VWA2: variants seen among roughly 807,000 people sequenced by gnomAD.
VWA2 encodes von Willebrand factor A domain-containing protein 2.
VWA2 carries 73 observed loss-of-function variants against 70.4 expected under a neutral mutation model. The ratio of observed to expected loss-of-function variants is 1.04; its 90% CI spans 0.86 to 1.26. The LOEUF is 1.26. VWA2 is among the 50% of genes most tolerant of loss of function. The probability of loss-of-function intolerance (pLI) is 0.00; values close to 1 mark genes in which losing one functional copy is unlikely to be tolerated. For missense variants in VWA2, 1,011 were observed against 998.5 expected, an observed-to-expected ratio of 1.01 and a Z score of -0.17; for synonymous variants, 407 against 423.3, an observed-to-expected ratio of 0.96 and a Z score of 0.47.
At chr10:114,270,661 A>C (rs1316568986) in intron 5 of VWA2, among the ~76,000 whole-genome samples, 2 of 152,180 alleles carry the variant, frequency 1.3e-5, no homozygotes, top group African/African-American at 4.8e-5. Flanking sequence ...CTTTTTAAAC[A>C]CAAGAGCTCT....
At chr10:114,254,783 C>T in intron 3 of VWA2, 132 bp from the exon 4 acceptor site, 1 of 1,228,180 alleles carries the variant, frequency 8.1e-7, no homozygotes, top group Non-Finnish European at 1.2e-6. Flanking sequence ...AGGGCTGCTT[C>T]TGCAGTTCTC....
At chr10:114,285,788 A>G in intron 10 of VWA2, 151 bp from the exon 11 acceptor site, 1 of 818,436 alleles carries the variant, frequency 1.2e-6, no homozygotes, top group Non-Finnish European at 1.8e-6. Context: ...CTTGTCTCTA[A>G]CTCTGTGACG....
rs756196223 is a variant in VWA2 at position 114,285,936 on chromosome 10, C to T, written c.998-3C>T. The T allele has an allele frequency of 6.3e-7, 1 of 1,584,482 alleles. No homozygotes were observed. Among genetic ancestry groups the T allele is most frequent in the Non-Finnish European group, 8.6e-7 (1 of 1,161,384 alleles). ...ACAGTGGGTGTTGCTGTGATCCCCG[C>T]AGCCCTGAAGCTGAGCCTGGAATGC... On this transcript the variant is annotated splice_region_variant and splice_polypyrimidine_tract_variant and intron_variant, in intron 10 of 13. Coordinates refer to ENST00000392982, the MANE Select transcript of VWA2 (RefSeq NM_001272046.2).
rs78412490 is a variant in VWA2, at chr10:114,248,549, G to A, written c.-10-155G>A. Among the ~76,000 whole-genome samples the A allele has an allele frequency of 3.7e-3, 558 of 152,282 alleles. 7 individuals are homozygous for A. Among genetic ancestry groups the A allele is most frequent in the East Asian group, 0.027 (142 of 5,172 alleles). On this transcript the variant is annotated intron_variant, in intron 1 of 13. Coordinates refer to ENST00000392982, the MANE Select transcript of VWA2 (RefSeq NM_001272046.2). ...TTGGAGTAAAGTCTTCCATGACTTGGGAATTGGGGACTTTTCTAGTTATTG... is the reference window on the plus strand; with the variant it reads ...TTGGAGTAAAGTCTTCCATGACTTGAGAATTGGGGACTTTTCTAGTTATTG...
Position 114,275,265 on chromosome 10 carries a change from T to C in VWA2, c.566+2331T>C, listed in dbSNP as rs530913620. Among the ~76,000 whole-genome samples, 15 of 152,240 alleles carry C rather than the reference T, an allele frequency of 9.9e-5. No homozygotes were observed. In the South Asian group the frequency reaches 2.9e-3, roughly 29 times the overall value. On this transcript the variant is annotated intron_variant, in intron 6 of 13. Coordinates refer to ENST00000392982, the MANE Select transcript of VWA2 (RefSeq NM_001272046.2). ...CCATGTCCTGGAAATGGTGATGACA[T>C]CATTGTCATCAATCATTGTGATCAG...
At chr10:114,284,761 C>A in intron 9 of VWA2, 102 bp from the exon 10 acceptor site, 2 of 1,097,632 alleles carry the variant, frequency 1.8e-6, no homozygotes, top group Non-Finnish European at 2.6e-6. Flanking sequence ...AGGGGCTGGG[C>A]CACTGCTAGA....
chr10:114,286,078 G>C lies in VWA2; in HGVS notation c.1137G>C (p.Arg379=). The part of the protein sequence containing the change: ...FVRAVLSEDS[R]ARVGVATYSR... ...GGGCCGTGCTGAGCGAGGACTCTCG[G>C]GCCCGAGTGGGTGTGGCCACATACA... Residue 379 remains arginine, a synonymous_variant, in exon 11 of 14, where the codon CGG becomes CGC. Transcript: ENST00000392982. The C allele has an allele frequency of 6.2e-7, 1 of 1,614,140 alleles. No homozygotes were observed. The highest frequency in any genetic ancestry group is 8.5e-7 in the Non-Finnish European group (1 of 1,180,030).
intron 4 of VWA2, 113 bp downstream of exon 4, chr10:114,255,161 G>A: frequency 2.2e-6 from 3 of 1,355,168 alleles, no homozygotes; most frequent in South Asian, 2.7e-5. Flanking sequence ...GGAAGACCAA[G>A]GGGCTGAATC....
In VWA2 at chr10:114,286,523, G is replaced by A; in HGVS notation, c.1570+12G>A. 1 of 1,549,658 alleles carries A rather than the reference G, an allele frequency of 6.5e-7. No homozygotes were observed. Among genetic ancestry groups the A allele is most frequent in the Non-Finnish European group, 8.7e-7 (1 of 1,147,266 alleles). Reference sequence around the variant, plus strand: ...CCGGCAGCGGCCAGGTAAGGTCCCAGTGCCTGACCCAGGACCGCTGGTCAG... The same window carrying A: ...CCGGCAGCGGCCAGGTAAGGTCCCAATGCCTGACCCAGGACCGCTGGTCAG... On this transcript the variant is annotated intron_variant, in intron 11 of 13. Coordinates refer to ENST00000392982, the MANE Select transcript of VWA2 (RefSeq NM_001272046.2).
In VWA2 at chr10:114,246,517, A is replaced by C. The variant is rs2037074618; in HGVS notation, c.-10-2187A>C. On this transcript the variant is annotated intron_variant, in intron 1 of 13. Transcript: ENST00000392982. ...AGAAACTCCATCTCAAAAAAAAAAAAAAAAAAAACGAGTATCATGGGTTGA... is the reference window on the plus strand; with the variant it reads ...AGAAACTCCATCTCAAAAAAAAAAACAAAAAAAACGAGTATCATGGGTTGA... 8 of 792,668 alleles carry C rather than the reference A, an allele frequency of 1.0e-5. No individual in the cohort carries two copies. In the South Asian group the frequency reaches 1.1e-4, roughly 11 times the overall value. The allele number at this position is 792,668 out of a possible 1,614,324, so 49.1% of individuals were successfully genotyped here.
chr10:114,293,851 T>C lies in VWA2; in HGVS notation c.*2614T>C, dbSNP rs553218110. Among the ~76,000 whole-genome samples, 1 of 152,330 alleles carries C rather than the reference T, an allele frequency of 6.6e-6. No individual in the cohort carries two copies. Among genetic ancestry groups the C allele is most frequent in the East Asian group, 1.9e-4 (1 of 5,188 alleles). On this transcript the variant is annotated 3_prime_UTR_variant, in exon 14 of 14. Coordinates refer to ENST00000392982, the MANE Select transcript of VWA2 (RefSeq NM_001272046.2). ...GTATACCACTTCTTTTTCTTGTCATTTTGCATTGCCTGGGACCTCCAGAAT... is the reference window on the plus strand; with the variant it reads ...GTATACCACTTCTTTTTCTTGTCATCTTGCATTGCCTGGGACCTCCAGAAT...
intron 7 of VWA2, among the ~76,000 whole-genome samples, chr10:114,278,362 G>A (rs1364909646): frequency 6.6e-6 from 1 of 152,194 alleles, no homozygotes; most frequent in Non-Finnish European, 1.5e-5. Context: ...ACACAGAGGA[G>A]CACAAGGAGG....
intron 4 of VWA2, 29 bp from the exon 5 acceptor site, chr10:114,261,157 G>A: frequency 6.5e-7 from 1 of 1,546,566 alleles, no homozygotes; most frequent in South Asian, 1.1e-5. Context: ...CCAGTCTCGG[G>A]GCCCTGAGCC....
rs758462742 is a variant in VWA2, at chr10:114,254,897, C to T, written c.128-18C>T. On this transcript the variant is annotated intron_variant, in intron 3 of 13. Transcript: ENST00000392982. ...CGACTTGCTCCTGGTTGTCATCTGTCTGTCCCGCTCTCCCTAGTGATGTGG... is the reference window on the plus strand; with the variant it reads ...CGACTTGCTCCTGGTTGTCATCTGTTTGTCCCGCTCTCCCTAGTGATGTGG... 6.2e-6 allele frequency: 10 copies of T among 1,607,982 alleles called. No individual in the cohort carries two copies. In the East Asian group the frequency reaches 1.8e-4, roughly 29 times the overall value.
intron 3 of VWA2, among the ~76,000 whole-genome samples, chr10:114,254,314 C>T (rs368089796): frequency 2.4e-4 from 36 of 152,174 alleles, no homozygotes; most frequent in East Asian, 2.0e-3. Context: ...TCAAGCAATC[C>T]GCCCGCGTTG....
chr10:114,288,900 C>A lies in VWA2; in HGVS notation c.1571-38C>A. 3 of 1,567,850 alleles carry A rather than the reference C, an allele frequency of 1.9e-6. No homozygotes were observed. The South Asian group carries it at 3.6e-5, about 19-fold the overall frequency. ...GGTCCCGTCGAGGGGCTCTGACTGG[C>A]ACATCCACTGCTGAAGCCCCTCTGC... On this transcript the variant is annotated intron_variant, in intron 11 of 13. Coordinates refer to ENST00000392982, the MANE Select transcript of VWA2 (RefSeq NM_001272046.2).
chr10:114,263,646 CT>C (rs2037496038), intron 5 of VWA2, among the ~76,000 whole-genome samples: 1 of 152,076 alleles, frequency 6.6e-6, no homozygotes, highest in Admixed American at 6.6e-5. Context: ...CGAATCTGCA[CT>C]TTTAAAAGGC....
intron 9 of VWA2, among the ~76,000 whole-genome samples, chr10:114,283,609 C>T (rs2038472449): frequency 1.3e-5 from 2 of 152,310 alleles, no homozygotes; most frequent in Non-Finnish European, 2.9e-5. Context: ...AATGATCTGA[C>T]CTGGGGCATG....
At chr10:114,281,729 C>G (rs1589778389) in intron 8 of VWA2, 8 of 985,386 alleles carry the variant, frequency 8.1e-6, no homozygotes, top group Non-Finnish European at 8.4e-6. Flanking sequence ...CTGCGGGAGG[C>G]CTGGAGCCTT....
Sources: allele counts gnomAD v4.1 joint callset (sites outside exome capture counted in the v4.1 genomes callset), GRCh38; gene constraint gnomAD v4.1.1; transcripts MANE v1.5; gene names NCBI Gene and HGNC (gene_info 2026-07-23, HGNC 2026-07-21).